The following CYP1A2 variants were observed in gnomAD, a reference collection of about 807,000 sequenced individuals.
CYP1A2 encodes cytochrome P450 family 1 subfamily A member 2.
In CYP1A2, 35 loss-of-function variants were observed where a neutral mutation model predicts 34.7. The ratio of observed to expected loss-of-function variants is 1.01; its 90% CI spans 0.77 to 1.34. CYP1A2 has a LOEUF of 1.34. Among genes scored for constraint, CYP1A2 ranks in the 40% most tolerant of loss-of-function variants. CYP1A2 has a pLI of 0.00. For missense variants in CYP1A2, 675 were observed against 675.8 expected, an observed-to-expected ratio of 1.00 and a Z score of 0.01; for synonymous variants, 288 against 281.9, an observed-to-expected ratio of 1.02 and a Z score of -0.22.
chr15:74,750,327 G>A lies in CYP1A2; in HGVS notation c.589G>A (p.Ala197Thr), dbSNP rs1281521673. Residue 197 changes from alanine (A) to threonine (T), a missense_variant, in exon 2 of 7, where the codon GCC becomes ACC. Ala to Thr is a moderately conservative substitution (Grantham distance 58, BLOSUM62 0). Transcript: ENST00000343932. ...TTACAATCAGGTGGTGGTGTCAGTGGCCAACGTCATTGGTGCCATGTGCTT... is the reference window on the plus strand; with the variant it reads ...TTACAATCAGGTGGTGGTGTCAGTGACCAACGTCATTGGTGCCATGTGCTT... The part of the protein sequence containing the change: ...DPYNQVVVSV[A>T]NVIGAMCFGQ... 3.1e-6 allele frequency: 5 copies of A among 1,614,004 alleles called. No homozygotes were observed. The East Asian group carries it at 1.1e-4, about 36-fold the overall frequency.
chr15:74,752,385 A>C, intron 5 of CYP1A2, 138 bp downstream of exon 5: 2 of 1,233,812 alleles, frequency 1.6e-6, no homozygotes, highest in Non-Finnish European at 2.3e-6. Flanking sequence ...GTCTGCCCCC[A>C]TCCAGTCCAA....
At position 74,754,886 on chromosome 15, in the gene CYP1A2, T is replaced by C. The variant is rs1373475971; in HGVS notation, c.1349T>C (p.Leu450Pro). The change falls in exon 7 of 7, where the codon CTG becomes CCG. Residue 450 changes from leucine to proline, a missense_variant. Transcript: ENST00000343932. Reference protein sequence around the residue: ...INKPLSEKMMLFGMGKRRCIG... With the variant: ...INKPLSEKMMPFGMGKRRCIG... ...AAGCCCTTGAGTGAGAAGATGATGCTGTTTGGCATGGGCAAGCGCCGGTGT... is the reference window on the plus strand; with the variant it reads ...AAGCCCTTGAGTGAGAAGATGATGCCGTTTGGCATGGGCAAGCGCCGGTGT... The C allele has an allele frequency of 1.2e-6, 2 of 1,614,210 alleles. No individual in the cohort carries two copies. Among genetic ancestry groups the C allele is most frequent in the South Asian group, 1.1e-5 (1 of 91,088 alleles).
Position 74,752,084 on chromosome 15 carries a change from G to C in CYP1A2, c.1043-40G>C, listed in dbSNP as rs373310437. 6 of 1,611,378 alleles carry C rather than the reference G, an allele frequency of 3.7e-6. No homozygotes were observed. In the African/African-American group the frequency reaches 8.0e-5, roughly 21 times the overall value. ...GAGGGGATAATTCATGGGGCAGTTAGGGCAGCCCCTGAGCTCTGCTTGTCC... is the reference window on the plus strand; with the variant it reads ...GAGGGGATAATTCATGGGGCAGTTACGGCAGCCCCTGAGCTCTGCTTGTCC... On this transcript the variant is annotated intron_variant, in intron 4 of 6. Coordinates refer to ENST00000343932, the MANE Select transcript of CYP1A2 (RefSeq NM_000761.5).
rs773366123 is a variant in CYP1A2 at position 74,750,031 on chromosome 15, T to A, written c.293T>A (p.Leu98Gln). 6.8e-6 allele frequency: 11 copies of A among 1,614,066 alleles called. No individual in the cohort carries two copies. The East Asian group carries it at 2.5e-4, about 36-fold the overall frequency. ...CGCCTGGACACCATCCGGCAGGCCC[T>A]GGTGCGGCAGGGCGACGATTTCAAG... is the stretch of plus-strand genomic sequence containing the variant. ...LSRLDTIRQA[L>Q]VRQGDDFKGR... Residue 98 changes from leucine to glutamine, a missense_variant, in exon 2 of 7, where the codon CTG (leucine) becomes CAG (glutamine). Transcript: ENST00000343932.
Position 74,750,139 on chromosome 15 carries a change from C to T in CYP1A2, c.401C>T (p.Ala134Val). 1 of 1,614,086 alleles carries T rather than the reference C, an allele frequency of 6.2e-7. No homozygotes were observed. The part of the protein sequence containing the change: ...TFSTDSGPVW[A>V]ARRRLAQNAL... ...AGCACAGACTCTGGACCGGTGTGGG[C>T]TGCCCGCCGGCGCCTGGCCCAGAAT... is the stretch of plus-strand genomic sequence containing the variant. The change falls in exon 2 of 7, where the codon GCT becomes GTT. Residue 134 changes from alanine to valine, a missense_variant. Coordinates refer to ENST00000343932, the MANE Select transcript of CYP1A2 (RefSeq NM_000761.5).
chr15:74,750,203 CTCA>C lies in CYP1A2; in HGVS notation c.468_470del (p.Ser158del), dbSNP rs775943025. 1.2e-6 allele frequency: 2 copies of C among 1,614,090 alleles called. No individual in the cohort carries two copies. The highest frequency in any genetic ancestry group is 2.7e-5 in the African/African-American group (2 of 74,922). On this transcript the variant is annotated inframe_deletion, in exon 2 of 7. Coordinates refer to ENST00000343932, the MANE Select transcript of CYP1A2 (RefSeq NM_000761.5). ...TCTCCATCGCCTCTGACCCAGCTTC[CTCA>C]TCCTCCTGCTACCTGGAGGAGCATG... is the stretch of plus-strand genomic sequence containing the variant.
chr15:74,751,270 G>A lies in CYP1A2; in HGVS notation c.913G>A (p.Glu305Lys). ...AGCCAGCGGCAACCTCATCCCACAG[G>A]AGAAGATTGTCAACCTTGTCAATGA... is the stretch of plus-strand genomic sequence containing the variant. ...PRASGNLIPQ[E>K]KIVNLVNDIF... The change falls in exon 3 of 7, where the codon GAG becomes AAG. Residue 305 changes from glutamate to lysine, a missense_variant. Glu to Lys is a moderately conservative substitution (Grantham distance 56). Transcript: ENST00000343932. The A allele has an allele frequency of 6.2e-7, 1 of 1,614,140 alleles. No homozygotes were observed. Among genetic ancestry groups the A allele is most frequent in the Non-Finnish European group, 8.5e-7 (1 of 1,180,008 alleles).
intron 2 of CYP1A2, 75 bp downstream of exon 2, chr15:74,750,644 G>A: frequency 1.6e-6 from 2 of 1,267,398 alleles, no homozygotes; most frequent in East Asian, 2.3e-5. Context: ...GCTCCAGCAT[G>A]CCCACACAGC....
rs755880133 is a variant in CYP1A2, at chr15:74,755,023, G to A, written c.1486G>A (p.Gly496Arg). 14 of 1,614,000 alleles carry A rather than the reference G, an allele frequency of 8.7e-6. No homozygotes were observed. The highest frequency in any genetic ancestry group is 4.4e-5 in the South Asian group (4 of 91,094). Residue 496 changes from glycine (G) to arginine (R), a missense_variant, in exon 7 of 7, where the codon GGG becomes AGG. Gly to Arg is a moderately radical substitution (Grantham distance 125). Coordinates refer to ENST00000343932, the MANE Select transcript of CYP1A2 (RefSeq NM_000761.5). ...GAAAGTCGACCTGACCCCCATCTAC[G>A]GGCTGACCATGAAGCACGCCCGCTG... ...GVKVDLTPIYGLTMKHARCEH... is the reference protein window; with the variant it reads ...GVKVDLTPIYRLTMKHARCEH...
intron 1 of CYP1A2, 82 bp from the exon 2 acceptor site, chr15:74,749,648 T>C (rs1180914601): frequency 1.2e-5 from 14 of 1,172,528 alleles, no homozygotes; most frequent in Admixed American, 2.3e-5. Context: ...CACGCATCAG[T>C]GTTTATCAAA....
At position 74,750,941 on chromosome 15, in the gene CYP1A2, C is replaced by A. The variant is rs181484864; in HGVS notation, c.832-248C>A. 2.6e-5 allele frequency among the ~76,000 whole-genome samples: 4 copies of A among 152,310 alleles called. No homozygotes were observed. The East Asian group carries it at 5.8e-4, about 22-fold the overall frequency. ...GTTGCTTCCCTGTGTTCACACTAAC[C>A]TTTTCCTTCTTTGAAATTGGACCCC... On this transcript the variant is annotated intron_variant, in intron 2 of 6. Coordinates refer to ENST00000343932, the MANE Select transcript of CYP1A2 (RefSeq NM_000761.5).
chr15:74,755,647 C>T lies in CYP1A2; in HGVS notation c.*559C>T, dbSNP rs2063335285. 1 of 152,062 alleles carries T rather than the reference C, an allele frequency of 6.6e-6. No individual in the cohort carries two copies. The highest frequency in any genetic ancestry group is 1.5e-5 in the Non-Finnish European group (1 of 68,162). 9.4% of individuals were successfully genotyped at this position (152,062 alleles called of 1,614,324 possible). ...AGTTTTAGTGGAGATGGGGTTTCAC[C>T]ATGTTGGCCAGGCTTGTCTCGAACT... On this transcript the variant is annotated 3_prime_UTR_variant, in exon 7 of 7. Coordinates refer to ENST00000343932, the MANE Select transcript of CYP1A2 (RefSeq NM_000761.5).
intron 6 of CYP1A2, 128 bp from the exon 7 acceptor site, chr15:74,754,663 C>A: frequency 1.2e-6 from 1 of 860,646 alleles, no homozygotes; most frequent in Non-Finnish European, 1.8e-6. Flanking sequence ...TGGTTCCTTC[C>A]CACCTACCCT....
rs1447126231 is a variant in CYP1A2 at position 74,750,535 on chromosome 15, A to G, written c.797A>G (p.Lys266Arg). 1.2e-6 allele frequency: 2 copies of G among 1,614,054 alleles called. No individual in the cohort carries two copies. The highest frequency in any genetic ancestry group is 2.2e-5 in the South Asian group (2 of 91,076). Residue 266 changes from lysine to arginine, a missense_variant, in exon 2 of 7, where the codon AAA (lysine) becomes AGA (arginine). Physicochemically the swap from Lys to Arg is conservative, Grantham distance 26. Coordinates refer to ENST00000343932, the MANE Select transcript of CYP1A2 (RefSeq NM_000761.5). ...CAGAGGTTCCTGTGGTTCCTGCAGAAAACAGTCCAGGAGCACTATCAGGAC... is the reference window on the plus strand; with the variant it reads ...CAGAGGTTCCTGTGGTTCCTGCAGAGAACAGTCCAGGAGCACTATCAGGAC... ...FNQRFLWFLQKTVQEHYQDFD... is the reference protein window; with the variant it reads ...FNQRFLWFLQRTVQEHYQDFD...
Position 74,750,479 on chromosome 15 carries a change from C to T in CYP1A2, c.741C>T (p.Asn247=), listed in dbSNP as rs542879792. Residue 247 remains asparagine (N), a synonymous_variant, in exon 2 of 7, where the codon AAC becomes AAT. Coordinates refer to ENST00000343932, the MANE Select transcript of CYP1A2 (RefSeq NM_000761.5). ...TCCCCATCCTTCGCTACCTGCCTAA[C>T]CCTGCCCTGCAGAGGTTCAAGGCCT... ...DFFPILRYLP[N]PALQRFKAFN... is the part of the protein sequence containing the mutation. 1 of 1,614,232 alleles carries T rather than the reference C, an allele frequency of 6.2e-7. No individual in the cohort carries two copies. Among genetic ancestry groups the T allele is most frequent in the South Asian group, 1.1e-5 (1 of 91,084 alleles).
intron 3 of CYP1A2, 98 bp downstream of exon 3, chr15:74,751,407 C>G (rs45445793): frequency 6.6e-7 from 1 of 1,515,074 alleles, no homozygotes; most frequent in Non-Finnish European, 9.0e-7. Context: ...ACCAACCCTA[C>G]ACCAGATGGT....
In CYP1A2 at chr15:74,752,261, G is replaced by A; in HGVS notation, c.1166+14G>A. ...CATCCCCCACAGGTGAGGCCTGCCGGTTCTGCCCTCCCACCTCTAAAGTGC... is the reference window on the plus strand; with the variant it reads ...CATCCCCCACAGGTGAGGCCTGCCGATTCTGCCCTCCCACCTCTAAAGTGC... On this transcript the variant is annotated intron_variant, in intron 5 of 6. Coordinates refer to ENST00000343932, the MANE Select transcript of CYP1A2 (RefSeq NM_000761.5). The A allele has an allele frequency of 6.2e-7, 1 of 1,613,116 alleles. No homozygotes were observed. The highest frequency in any genetic ancestry group is 2.2e-5 in the East Asian group (1 of 44,858).
chr15:74,755,673 C>T lies in CYP1A2; in HGVS notation c.*585C>T, dbSNP rs922734336. 2.0e-5 allele frequency: 3 copies of T among 152,172 alleles called. No homozygotes were observed. Among genetic ancestry groups the T allele is most frequent in the Non-Finnish European group, 4.4e-5 (3 of 68,104 alleles). The allele number at this position is 152,172 out of a possible 1,614,324, so 9.4% of individuals were successfully genotyped here. ...ATGTTGGCCAGGCTTGTCTCGAACT[C>T]CTGACCCCAAGTTATCCACCTGCCT... is the stretch of plus-strand genomic sequence containing the variant. On this transcript the variant is annotated 3_prime_UTR_variant, in exon 7 of 7. Transcript: ENST00000343932.
rs200328907 is a variant in CYP1A2, at chr15:74,750,441, C to A, written c.703C>A (p.Pro235Thr). 3.1e-6 allele frequency: 5 copies of A among 1,614,080 alleles called. No homozygotes were observed. Among genetic ancestry groups the A allele is most frequent in the South Asian group, 1.1e-5 (1 of 91,088 alleles). Residue 235 changes from proline (P) to threonine (T), a missense_variant, in exon 2 of 7, where the codon CCC (proline) becomes ACC (threonine). Physicochemically the swap from Pro to Thr is conservative, Grantham distance 38 (BLOSUM62 -1). Transcript: ENST00000343932. Reference protein sequence around the residue: ...EFVETASSGNPLDFFPILRYL... With the variant: ...EFVETASSGNTLDFFPILRYL... The stretch of plus-strand genomic sequence containing the variant: ...CGTGGAGACTGCCTCCTCCGGGAAC[C>A]CCCTGGACTTCTTCCCCATCCTTCG...
Sources: gnomAD v4.1 joint callset for allele counts (sites outside exome capture counted in the v4.1 genomes callset) on GRCh38, gnomAD v4.1.1 for gene constraint, MANE v1.5 for transcripts, NCBI Gene and HGNC (gene_info 2026-07-23, HGNC 2026-07-21) for gene names.